The following FBF1 variants were observed in gnomAD, a reference collection of about 807,000 sequenced individuals.
The protein encoded by FBF1 is fas-binding factor 1.
FBF1 carries 119 observed loss-of-function variants against 147.2 expected under a neutral mutation model. The ratio of observed to expected loss-of-function variants is 0.81; its 90% CI spans 0.70 to 0.94. FBF1 has a LOEUF of 0.94. Among genes scored for constraint, FBF1 ranks in the 40% least tolerant of loss-of-function variants. The probability of loss-of-function intolerance (pLI) is 0.00; values close to 1 mark genes in which losing one functional copy is unlikely to be tolerated. For missense variants in FBF1, 1,449 were observed against 1,500.8 expected (o/e 0.97, Z 0.57); for synonymous variants, 601 against 609.0 (o/e 0.99, Z 0.19).
In FBF1 at chr17:75,935,766, C is replaced by A. The variant is rs7218498; in HGVS notation, c.32-93G>T. 8.1e-6 allele frequency: 10 copies of A among 1,236,978 alleles called. No homozygotes were observed. In the African/African-American group the frequency reaches 1.5e-4, roughly 19 times the overall value. 76.6% of individuals were successfully genotyped at this position (1,236,978 alleles called of 1,614,324 possible). Reference sequence around the variant, plus strand: ...TTGAGACTCGCCAGAAGGCGTCAGACCTTTCAGATGTTGGGACTTAGGCTT... The same window carrying A: ...TTGAGACTCGCCAGAAGGCGTCAGAACTTTCAGATGTTGGGACTTAGGCTT... On this transcript the variant is annotated intron_variant, in intron 3 of 29. Transcript: ENST00000636174.
chr17:75,934,378 T>C (rs1199418744), intron 4 of FBF1, among the ~76,000 whole-genome samples: 1 of 151,992 alleles, frequency 6.6e-6, no homozygotes, highest in African/African-American at 2.4e-5. Flanking sequence ...CTGGCCAACA[T>C]GGCGAAAACC....
At chr17:75,924,723 C>T (rs563065822) in intron 13 of FBF1, among the ~76,000 whole-genome samples, 1 of 152,198 alleles carries the variant, frequency 6.6e-6, no homozygotes. Context: ...GGTGATCCAC[C>T]TGCCTTGGTC....
chr17:75,913,891 CCATA>C lies in FBF1; in HGVS notation c.3129+18_3129+21del, dbSNP rs751715906. On this transcript the variant is annotated intron_variant, in intron 27 of 29. Coordinates refer to ENST00000636174, the MANE Select transcript of FBF1 (RefSeq NM_001319193.2). ...GCTGGGGGTGCCGGGGGCAGGGGCG[CCATA>C]CACTCAGGGAGCCTTGCCTGGTGCA... 6.5e-7 allele frequency: 1 copy of C among 1,549,892 alleles called. No individual in the cohort carries two copies. The highest frequency in any genetic ancestry group is 1.4e-5 in the African/African-American group (1 of 73,626).
chr17:75,913,123 C>A (rs2065465319), intron 28 of FBF1, among the ~76,000 whole-genome samples: 1 of 149,768 alleles, frequency 6.7e-6, no homozygotes, highest in African/African-American at 2.5e-5. Context: ...TCTCAAGACT[C>A]AGGAGTGGCG....
At position 75,918,005 on chromosome 17, in the gene FBF1, C is replaced by T. The variant is rs376680316; in HGVS notation, c.2312G>A (p.Arg771His). ...GGTGGTGAGGTGCGAGGCCTCCACG[C>T]GGGAGGACAACTCGTGCAGGCTGCT... ...FSSSLHELSS[R>H]VEASHLTTSQ... Residue 771 changes from arginine (R) to histidine (H), a missense_variant, in exon 22 of 30, where the codon CGC becomes CAC. Physicochemically the swap from Arg to His is conservative, Grantham distance 29. Coordinates refer to ENST00000636174, the MANE Select transcript of FBF1 (RefSeq NM_001319193.2). This position sits in a 1 kb window ranked among gnomAD's most constrained non-coding sequence, Gnocchi z 5.8. 127 of 1,612,404 alleles carry T rather than the reference C, an allele frequency of 7.9e-5. No homozygotes were observed. Among genetic ancestry groups the T allele is most frequent in the South Asian group, 1.9e-4 (17 of 90,872 alleles).
chr17:75,920,418 T>C lies in FBF1; in HGVS notation c.1686A>G (p.Pro562=). The C allele has an allele frequency of 6.2e-7, 1 of 1,607,422 alleles. No homozygotes were observed. The highest frequency in any genetic ancestry group is 8.5e-7 in the Non-Finnish European group (1 of 1,177,448). The change falls in exon 18 of 30, where the codon CCA becomes CCG. Residue 562 remains proline (P), a synonymous_variant. Transcript: ENST00000636174. The stretch of plus-strand genomic sequence containing the variant: ...GCAGCAGGCTCCGGGCCAGGGACTC[T>C]GGGAGCAGGGGCTGGAGGAGAGGAA... The part of the protein sequence containing the change: ...EPSVPVQPLL[P]ESLARSLLPS...
In FBF1 at chr17:75,925,343, T is replaced by C. The variant is rs757996049; in HGVS notation, c.968+4A>G. 101 of 1,611,910 alleles carry C rather than the reference T, an allele frequency of 6.3e-5. No homozygotes were observed. In the Middle Eastern group the frequency reaches 9.9e-4, roughly 16 times the overall value. ...AGGCCAAGCCTCCTGCAGGCCCCAC[T>C]TACCTGACAGACTGCCGGCGGGACT... On this transcript the variant is annotated splice_donor_region_variant and intron_variant, in intron 13 of 29. Transcript: ENST00000636174. This position sits in a 1 kb window ranked among gnomAD's most constrained non-coding sequence, Gnocchi z 5.0.
At position 75,919,731 on chromosome 17, in the gene FBF1, C is replaced by T. The variant is rs771995668; in HGVS notation, c.2075G>A (p.Arg692Gln). The T allele has an allele frequency of 4.3e-6, 7 of 1,613,140 alleles. No homozygotes were observed. The highest frequency in any genetic ancestry group is 1.1e-5 in the South Asian group (1 of 91,088). ...ARAELTAQHQ[R>Q]RLAAIAQEKD... ...CTCCTGCGCTATGGCCGCCAAGCGC[C>T]GCTGGTGCTGGGCCGTAAGCTCAGC... The change falls in exon 20 of 30, where the codon CGG becomes CAG. Residue 692 changes from arginine (R) to glutamine (Q), a missense_variant. Transcript: ENST00000636174. The surrounding 1 kb of genome is among the most constrained non-coding windows in gnomAD (Gnocchi z 5.0).
chr17:75,909,959 C>T lies in FBF1; in HGVS notation c.*764G>A, dbSNP rs1025490652. 30 of 696,232 alleles carry T rather than the reference C, an allele frequency of 4.3e-5. No individual in the cohort carries two copies. Among genetic ancestry groups the T allele is most frequent in the African/African-American group, 2.3e-4 (13 of 57,154 alleles). 43.1% of individuals were successfully genotyped at this position (696,232 alleles called of 1,614,324 possible). A position where few individuals can be genotyped will look rare whatever the true frequency, so the allele number is the denominator to read the frequency against. On this transcript the variant is annotated 3_prime_UTR_variant, in exon 30 of 30. Transcript: ENST00000636174. ...TTCCTTGTCGCCTCCACTGCGTACC[C>T]GCTGAGCTGGGCTTTGGGCAGGTGA...
intron 23 of FBF1, among the ~76,000 whole-genome samples, chr17:75,915,439 CT>C: frequency 6.6e-6 from 1 of 152,226 alleles, no homozygotes. Context: ...GAATCGCCAG[CT>C]ACGCACTCTG....
Position 75,919,600 on chromosome 17 carries a change from G to A in FBF1, c.2138+68C>T, listed in dbSNP as rs553630979. 419 of 1,515,684 alleles carry A rather than the reference G, an allele frequency of 2.8e-4. No homozygotes were observed. Among genetic ancestry groups the A allele is most frequent in the Admixed American group, 5.7e-4 (29 of 50,700 alleles). The allele number at this position is 1,515,684 out of a possible 1,614,324, so 93.9% of individuals were successfully genotyped here. A position where few individuals can be genotyped will look rare whatever the true frequency, so the allele number is the denominator to read the frequency against. On this transcript the variant is annotated intron_variant, in intron 20 of 29. Transcript: ENST00000636174. This position sits in a 1 kb window ranked among gnomAD's most constrained non-coding sequence, Gnocchi z 5.0. ...CTGCTGAGCCACAGCGAAGGGTCTC[G>A]TGGGGATGGCTCTCTTCCGGCTACT...
chr17:75,915,009 T>C lies in FBF1; in HGVS notation c.2628+8A>G. The C allele has an allele frequency of 1.2e-6, 2 of 1,613,136 alleles. No individual in the cohort carries two copies. The highest frequency in any genetic ancestry group is 1.7e-6 in the Non-Finnish European group (2 of 1,179,738). ...GGGGCAGGGGCTGAGTGCGGTGGCT[T>C]GACTCACCTTGGCCCGTTCCAGCTC... On this transcript the variant is annotated splice_region_variant and intron_variant, in intron 24 of 29. Coordinates refer to ENST00000636174, the MANE Select transcript of FBF1 (RefSeq NM_001319193.2).
At chr17:75,927,920 C>A (rs537673092) in intron 8 of FBF1, among the ~76,000 whole-genome samples, 156 bp downstream of exon 8, 8 of 152,310 alleles carry the variant, frequency 5.3e-5, no homozygotes, top group African/African-American at 1.9e-4. Context: ...CACTCAAACA[C>A]ACACACGCAC....
intron 18 of FBF1, 60 bp downstream of exon 18, chr17:75,920,214 C>T (rs577947983): frequency 8.3e-5 from 133 of 1,593,498 alleles, no homozygotes; most frequent in Middle Eastern, 2.2e-4. Flanking sequence ...TCCAGCCACT[C>T]TCAGTGTCCC....
In FBF1 at chr17:75,917,768, C is replaced by T. The variant is rs1350660025; in HGVS notation, c.2469G>A (p.Glu823=). ...GCCGGCTCTGCTCATTCAGCCGTGC[C>T]TCCATCTTCCCGATGACCTCCTGTT... ...SRQQEVIGKM[E]ARLNEQSRLL... The change falls in exon 23 of 30, where the codon GAG becomes GAA. Residue 823 remains glutamate, a synonymous_variant. Coordinates refer to ENST00000636174, the MANE Select transcript of FBF1 (RefSeq NM_001319193.2). The T allele has an allele frequency of 8.1e-6, 13 of 1,609,730 alleles. No individual in the cohort carries two copies. The highest frequency in any genetic ancestry group is 1.3e-5 in the African/African-American group (1 of 74,866).
intron 23 of FBF1, among the ~76,000 whole-genome samples, chr17:75,915,478 C>T (rs1013371141): frequency 1.3e-5 from 2 of 152,232 alleles, no homozygotes; most frequent in Non-Finnish European, 1.5e-5. Context: ...GCCAAGCAGG[C>T]TAAGCACAGG....
In FBF1 at chr17:75,926,392, G is replaced by A. The variant is rs948544171; in HGVS notation, c.630C>T (p.Pro210=). Residue 210 remains proline, a synonymous_variant, in exon 11 of 30, where the codon CCC becomes CCT. Transcript: ENST00000636174. ...ACAACAATTCTTCTTTTTTTCGGAT[G>A]GGGGTGTCCCCAGGAGTTAGAGGAA... is the stretch of plus-strand genomic sequence containing the variant. ...PSIPLTPGDT[P]IRKKEELLFD... The A allele has an allele frequency of 1.2e-6, 2 of 1,600,228 alleles. No individual in the cohort carries two copies. Among genetic ancestry groups the A allele is most frequent in the Non-Finnish European group, 8.5e-7 (1 of 1,173,404 alleles).
chr17:75,913,613 A>C, intron 28 of FBF1, 89 bp downstream of exon 28: 1 of 1,039,114 alleles, frequency 9.6e-7, no homozygotes, highest in Non-Finnish European at 1.3e-6. Flanking sequence ...GGCCGCCTTA[A>C]CTGGAGCGGC....
chr17:75,914,022 T>G lies in FBF1; in HGVS notation c.3020A>C (p.Glu1007Ala). ...KVASEKYEEG[E>A]RALREAQQVQ... The stretch of plus-strand genomic sequence containing the variant: ...CTGCTGGGCCTCGCGCAATGCCCGC[T>G]CCCCCTCCTCGTACTTCTCGGAGGC... Residue 1007 changes from glutamate to alanine, a missense_variant, in exon 27 of 30, where the codon GAG becomes GCG. Physicochemically the swap from Glu to Ala is moderately radical, Grantham distance 107. Transcript: ENST00000636174. The G allele has an allele frequency of 6.3e-7, 1 of 1,585,888 alleles. No individual in the cohort carries two copies. Among genetic ancestry groups the G allele is most frequent in the Non-Finnish European group, 8.5e-7 (1 of 1,173,424 alleles).
Sources: allele counts gnomAD v4.1 joint callset (sites outside exome capture counted in the v4.1 genomes callset), GRCh38; gene constraint gnomAD v4.1.1; non-coding constraint Gnocchi (gnomAD v3.1); transcripts MANE v1.5; gene names NCBI Gene and HGNC (gene_info 2026-07-23, HGNC 2026-07-21).